OR9Q1: variants seen among roughly 807,000 people sequenced by gnomAD.
The protein encoded by OR9Q1 is olfactory receptor 9Q1.
For missense variants in OR9Q1, 374 were observed against 378.8 expected (o/e 0.99, Z 0.11); for synonymous variants, 153 against 148.6 (o/e 1.03, Z -0.22).
chr11:58,118,296 A>T (rs1853979022), intron 2 of OR9Q1: 2 of 510,058 alleles, frequency 3.9e-6, no homozygotes, highest in African/African-American at 3.8e-5. Flanking sequence ...ATGGATTGAA[A>T]GTGGAAGAAG....
At chr11:58,031,060 G>T in intron 1 of OR9Q1, 3 of 1,614,158 alleles carry the variant, frequency 1.9e-6, no homozygotes, top group Admixed American at 3.3e-5. Context: ...TCCTCACCAT[G>T]TACCTGTTCA....
chr11:58,129,956 A>G (rs1029373973), intron 2 of OR9Q1, among the ~76,000 whole-genome samples: 1 of 152,112 alleles, frequency 6.6e-6, no homozygotes, highest in East Asian at 1.9e-4. Flanking sequence ...TGGGATACAT[A>G]TGCAGAATGT....
chr11:58,123,723 T>A (rs1854059310), intron 2 of OR9Q1, among the ~76,000 whole-genome samples: 1 of 152,188 alleles, frequency 6.6e-6, no homozygotes, highest in Non-Finnish European at 1.5e-5. Flanking sequence ...CATCTTATCA[T>A]GTTCTCTTTT....
intron 2 of OR9Q1, among the ~76,000 whole-genome samples, chr11:58,136,525 G>A (rs1854190708): frequency 6.6e-6 from 1 of 152,154 alleles, no homozygotes; most frequent in East Asian, 1.9e-4. Context: ...ATTTTGAGGA[G>A]ATACTGTTTG....
intron 2 of OR9Q1, among the ~76,000 whole-genome samples, chr11:58,174,267 A>G (rs1167703639): frequency 6.6e-6 from 1 of 152,134 alleles, no homozygotes; most frequent in Non-Finnish European, 1.5e-5. Flanking sequence ...TTAGAGGCAT[A>G]TGCCCTGCAT....
intron 2 of OR9Q1, among the ~76,000 whole-genome samples, chr11:58,160,502 C>T (rs1304657377): frequency 6.6e-6 from 1 of 151,964 alleles, no homozygotes; most frequent in Non-Finnish European, 1.5e-5. Flanking sequence ...CTCTGTCACC[C>T]AGGCTGGAGT....
chr11:58,147,295 G>T (rs1045739065), intron 2 of OR9Q1, among the ~76,000 whole-genome samples: 3 of 152,124 alleles, frequency 2.0e-5, no homozygotes, highest in Non-Finnish European at 4.4e-5. Flanking sequence ...TTCTCAGGTA[G>T]ACACAGGTAT....
At chr11:58,045,752 G>A (rs1240960699) in intron 1 of OR9Q1, among the ~76,000 whole-genome samples, 1 of 152,072 alleles carries the variant, frequency 6.6e-6, no homozygotes, top group Non-Finnish European at 1.5e-5. Context: ...AACAGAACTG[G>A]GTCATCCACA....
rs1476506659 is a variant in OR9Q1 at position 58,147,835 on chromosome 11, T to G, written c.-14-31596T>G. Among the ~76,000 whole-genome samples, 4 of 152,182 alleles carry G rather than the reference T, an allele frequency of 2.6e-5. No individual in the cohort carries two copies. In the South Asian group the frequency reaches 6.2e-4, roughly 24 times the overall value. ...CTGTGCTGAGTTTTCACTTATCTCA[T>G]TTAAAGATTTCATTCTTAAAATAAA... On this transcript the variant is annotated intron_variant, in intron 2 of 2. Transcript: ENST00000335397.
intron 1 of OR9Q1, among the ~76,000 whole-genome samples, chr11:58,040,170 T>C (rs1431301801): frequency 3.3e-5 from 5 of 152,308 alleles, no homozygotes; most frequent in African/African-American, 9.6e-5. Flanking sequence ...CCTGAGTAAA[T>C]TGGTTCCCTC....
chr11:58,079,066 T>C lies in OR9Q1; in HGVS notation c.-15+23119T>C, dbSNP rs1174781139. On this transcript the variant is annotated intron_variant, in intron 2 of 2. Transcript: ENST00000335397. ...CTCGAGGAAAGACTTCCCAAGGAAC[T>C]CAAGTAAAGGGTGTTTATTCTACGT... Among the ~76,000 whole-genome samples, 5 of 152,212 alleles carry C rather than the reference T, an allele frequency of 3.3e-5. No individual in the cohort carries two copies. The East Asian group carries it at 9.6e-4, about 29-fold the overall frequency.
At chr11:58,110,966 T>C (rs1853893927) in intron 2 of OR9Q1, among the ~76,000 whole-genome samples, 1 of 152,114 alleles carries the variant, frequency 6.6e-6, no homozygotes, top group African/African-American at 2.4e-5. Flanking sequence ...TTGTGAAATA[T>C]GGGGTCCTAC....
At chr11:58,162,520 A>G (rs1854466223) in intron 2 of OR9Q1, among the ~76,000 whole-genome samples, 2 of 152,144 alleles carry the variant, frequency 1.3e-5, no homozygotes, top group East Asian at 1.9e-4. Flanking sequence ...TCTTTGGAAA[A>G]GGTAGGGCAC....
chr11:58,154,707 A>T (rs1400533046), intron 2 of OR9Q1, among the ~76,000 whole-genome samples: 1 of 152,338 alleles, frequency 6.6e-6, no homozygotes, highest in Non-Finnish European at 1.5e-5. Context: ...CCAAAGTATC[A>T]CATGTACCCC....
intron 1 of OR9Q1, among the ~76,000 whole-genome samples, chr11:58,033,203 T>C (rs1853060863): frequency 6.6e-6 from 1 of 152,120 alleles, no homozygotes; most frequent in Non-Finnish European, 1.5e-5. Flanking sequence ...TGAAGATTTC[T>C]CAAAGAATGA....
intron 2 of OR9Q1, among the ~76,000 whole-genome samples, chr11:58,096,546 G>T (rs1179356377): frequency 6.6e-6 from 1 of 152,102 alleles, no homozygotes; most frequent in African/African-American, 2.4e-5. Flanking sequence ...ATGGAGTCTT[G>T]CTGTGTCACC....
At chr11:58,086,786 GA>G (rs1264318465) in intron 2 of OR9Q1, among the ~76,000 whole-genome samples, 2 of 151,824 alleles carry the variant, frequency 1.3e-5, no homozygotes, top group Non-Finnish European at 2.9e-5. Flanking sequence ...TTTGTATGTG[GA>G]ATCTAAAAAG....
At chr11:58,149,073 T>TA (rs1381274172) in intron 2 of OR9Q1, among the ~76,000 whole-genome samples, 1 of 152,080 alleles carries the variant, frequency 6.6e-6, no homozygotes, top group East Asian at 1.9e-4. Flanking sequence ...AACACAAAAA[T>TA]AAAAAATGAC....
intron 2 of OR9Q1, among the ~76,000 whole-genome samples, chr11:58,060,891 G>A (rs1294482676): frequency 6.6e-6 from 1 of 151,988 alleles, no homozygotes; most frequent in East Asian, 1.9e-4. Flanking sequence ...CCTGATCCCT[G>A]CTCCTCAAGC....
Sources: gnomAD v4.1 joint callset for allele counts (sites outside exome capture counted in the v4.1 genomes callset) on GRCh38, gnomAD v4.1.1 for gene constraint, MANE v1.5 for transcripts, NCBI Gene and HGNC (gene_info 2026-07-23, HGNC 2026-07-21) for gene names.